Variants in PRKCZ observed in about 807,000 individuals in gnomAD.
The protein encoded by PRKCZ is protein kinase C zeta type.
A neutral mutation model predicts 79.5 loss-of-function variants in PRKCZ; 33 were observed. The observed-to-expected ratio is 0.41, with a 90% CI of 0.31 to 0.55. PRKCZ has a LOEUF of 0.55. PRKCZ is among the 20% of genes least tolerant of loss of function. The pLI is 0.19. For missense variants in PRKCZ, 578 were observed against 813.5 expected (o/e 0.71, Z 3.52); for synonymous variants, 342 against 320.9 (o/e 1.07, Z -0.70).
At chr1:2,148,378 G>A (rs1679143724) in intron 7 of PRKCZ, among the ~76,000 whole-genome samples, 1 of 144,954 alleles carries the variant, frequency 6.9e-6, no homozygotes, top group Non-Finnish European at 1.5e-5. Context: ...TCCACCTATT[G>A]TCCACTGACC....
At chr1:2,108,343 C>T (rs1023272692) in intron 4 of PRKCZ, among the ~76,000 whole-genome samples, 1 of 152,342 alleles carries the variant, frequency 6.6e-6, no homozygotes, top group Admixed American at 6.5e-5. Flanking sequence ...TGGGCGTGGC[C>T]CCTTGTCCCT....
chr1:2,093,856 G>A (rs550910194), intron 4 of PRKCZ, among the ~76,000 whole-genome samples: 2 of 152,280 alleles, frequency 1.3e-5, no homozygotes, highest in South Asian at 2.1e-4. Context: ...GGCACGGGAC[G>A]AGCCGAGGAT....
At chr1:2,093,498 G>A (rs567886962) in intron 4 of PRKCZ, among the ~76,000 whole-genome samples, 3 of 152,300 alleles carry the variant, frequency 2.0e-5, no homozygotes, top group South Asian at 2.1e-4. Context: ...TCTGGAAGGC[G>A]AAAGGCAGGG....
intron 4 of PRKCZ, among the ~76,000 whole-genome samples, chr1:2,078,155 G>A (rs541646731): frequency 1.3e-5 from 2 of 152,360 alleles, no homozygotes; most frequent in South Asian, 4.1e-4. Context: ...CCCGAGCTGG[G>A]AACAGTCCCC....
At chr1:2,055,037 G>T (rs1478189107) in intron 1 of PRKCZ, among the ~76,000 whole-genome samples, 2 of 151,880 alleles carry the variant, frequency 1.3e-5, no homozygotes, top group African/African-American at 4.8e-5. Context: ...CCGCCTCCCG[G>T]GTTCACGCCA....
At chr1:2,057,168 C>T (rs989438479) in intron 3 of PRKCZ, among the ~76,000 whole-genome samples, 10 of 152,262 alleles carry the variant, frequency 6.6e-5, no homozygotes, top group Admixed American at 1.3e-4. Context: ...CCTCACCTGC[C>T]CGGTGCTCCC....
chr1:2,135,184 T>C, intron 4 of PRKCZ, 78 bp from the exon 5 acceptor site: 1 of 1,258,890 alleles, frequency 7.9e-7, no homozygotes, highest in Non-Finnish European at 1.1e-6. Flanking sequence ...TGGACGGGAG[T>C]GGCCTGTCGC....
At chr1:2,076,213 C>T (rs1386687331) in intron 4 of PRKCZ, among the ~76,000 whole-genome samples, 4 of 152,148 alleles carry the variant, frequency 2.6e-5, no homozygotes, top group East Asian at 1.9e-4. Flanking sequence ...CTGTGCTGGT[C>T]GTGGTGCTCG....
chr1:2,106,038 G>A (rs866671157), intron 4 of PRKCZ, among the ~76,000 whole-genome samples: 3 of 152,200 alleles, frequency 2.0e-5, no homozygotes, highest in South Asian at 2.1e-4. Context: ...GCCCTTCCAC[G>A]TCTCCTGGCC....
intron 4 of PRKCZ, among the ~76,000 whole-genome samples, chr1:2,080,142 G>A (rs1663210079): frequency 6.6e-6 from 1 of 152,172 alleles, no homozygotes. Context: ...TCCACTACCC[G>A]GCCTGTCCTC....
At chr1:2,060,692 G>A (rs1267584324) in intron 4 of PRKCZ, among the ~76,000 whole-genome samples, 1 of 152,238 alleles carries the variant, frequency 6.6e-6, no homozygotes. Flanking sequence ...CCGGAGGTGG[G>A]CCCTGGCAGG....
Position 2,075,725 on chromosome 1 carries a change from A to C in PRKCZ, c.334+16134A>C, listed in dbSNP as rs116699701. Among the ~76,000 whole-genome samples the C allele has an allele frequency of 0.02, 3,020 of 152,246 alleles. 115 individuals carry two copies. Among genetic ancestry groups the C allele is most frequent in the African/African-American group, 0.069 (2,847 of 41,544 alleles). ...AATCAGATCTGTCAGCCCAGTGTCC[A>C]CAGGGTGCCTGAGAGCCCAGCCCAT... On this transcript the variant is annotated intron_variant, in intron 4 of 17. Coordinates refer to ENST00000378567, the MANE Select transcript of PRKCZ (RefSeq NM_002744.6). This position sits in a 1 kb window ranked among gnomAD's most constrained non-coding sequence, Gnocchi z 4.8.
At chr1:2,140,082 A>G (rs1677009986) in intron 5 of PRKCZ, among the ~76,000 whole-genome samples, 1 of 152,246 alleles carries the variant, frequency 6.6e-6, no homozygotes, top group Non-Finnish European at 1.5e-5. Flanking sequence ...AAGGGAGATC[A>G]GAAGATGCCA....
At chr1:2,184,388 A>G (rs900635671) in intron 16 of PRKCZ, 195 bp from the exon 17 acceptor site, 5 of 548,720 alleles carry the variant, frequency 9.1e-6, no homozygotes, top group Non-Finnish European at 1.6e-5. Context: ...TCTCAGCTCG[A>G]CAACAATTTT....
At chr1:2,098,847 A>C (rs941682619) in intron 4 of PRKCZ, among the ~76,000 whole-genome samples, 1 of 151,862 alleles carries the variant, frequency 6.6e-6, no homozygotes, top group Non-Finnish European at 1.5e-5. Flanking sequence ...ACAGTTGGCT[A>C]ATTTTTTGTA....
chr1:2,107,843 C>T (rs1218354722), intron 4 of PRKCZ, among the ~76,000 whole-genome samples: 1 of 148,180 alleles, frequency 6.7e-6, no homozygotes, highest in Non-Finnish European at 1.5e-5. Flanking sequence ...CCAGGGATTC[C>T]CCCCAGGGCA....
chr1:2,166,814 T>G (rs1683423896), intron 10 of PRKCZ, among the ~76,000 whole-genome samples: 4 of 151,674 alleles, frequency 2.6e-5, no homozygotes, highest in South Asian at 4.2e-4. Context: ...GGGCTACGGG[T>G]GAAGCCACAC....
At chr1:2,073,558 C>G in intron 4 of PRKCZ, 2 of 929,960 alleles carry the variant, frequency 2.2e-6, no homozygotes, top group Non-Finnish European at 2.6e-6. Context: ...CTGGGTCTGG[C>G]TGCTGCCCGC....
intron 4 of PRKCZ, among the ~76,000 whole-genome samples, chr1:2,120,591 C>T (rs1030370504): frequency 4.6e-5 from 7 of 151,696 alleles, no homozygotes; most frequent in East Asian, 2.0e-4. Context: ...CCACCGTGCC[C>T]GGCCAGCCCT....
Sources: allele counts gnomAD v4.1 joint callset (sites outside exome capture counted in the v4.1 genomes callset), GRCh38; gene constraint gnomAD v4.1.1; non-coding constraint Gnocchi (gnomAD v3.1); transcripts MANE v1.5; gene names NCBI Gene and HGNC (gene_info 2026-07-23, HGNC 2026-07-21).